The following SLC22A4 variants were observed in gnomAD, a reference collection of about 807,000 sequenced individuals.
The protein encoded by SLC22A4 is ET transporter.
Under a neutral mutation model 56.6 loss-of-function variants are expected in SLC22A4, and 39 were observed. The observed-to-expected ratio is 0.69, with a 90% confidence interval of 0.53 to 0.90. The LOEUF is 0.90. Among genes scored for constraint, SLC22A4 ranks in the 40% least tolerant of loss-of-function variants. SLC22A4 has a pLI of 0.00. For missense variants in SLC22A4, 594 were observed against 696.5 expected (o/e 0.85, Z 1.66); for synonymous variants, 241 against 281.4 (o/e 0.86, Z 1.44).
chr5:132,309,380 G>C (rs1045813071), intron 1 of SLC22A4, among the ~76,000 whole-genome samples: 3 of 152,240 alleles, frequency 2.0e-5, no homozygotes, highest in African/African-American at 7.2e-5. Context: ...TCCAAAGGCA[G>C]ATGGCACCCC....
chr5:132,331,529 G>T (rs868854373), intron 5 of SLC22A4, among the ~76,000 whole-genome samples: 3 of 152,106 alleles, frequency 2.0e-5, no homozygotes, highest in African/African-American at 7.2e-5. Context: ...AGGGAAGGGG[G>T]TGTTATATAT....
At chr5:132,315,644 G>A (rs1383338543) in intron 3 of SLC22A4, among the ~76,000 whole-genome samples, 1 of 152,200 alleles carries the variant, frequency 6.6e-6, no homozygotes. Flanking sequence ...AGGGCCAAGG[G>A]GAAAGTAAGG....
intron 1 of SLC22A4, among the ~76,000 whole-genome samples, chr5:132,309,805 A>G (rs1750137189): frequency 6.6e-6 from 1 of 152,266 alleles, no homozygotes; most frequent in African/African-American, 2.4e-5. Context: ...CCCTTTGCTC[A>G]TGCAATGCCT....
intron 7 of SLC22A4, 50 bp downstream of exon 7, chr5:132,334,982 G>T: frequency 7.9e-7 from 1 of 1,273,844 alleles, no homozygotes; most frequent in South Asian, 1.2e-5. Context: ...CCCACATATT[G>T]ACTAGGCTGC....
intron 1 of SLC22A4, among the ~76,000 whole-genome samples, chr5:132,307,172 CTTTGT>C (rs774388856): frequency 2.6e-5 from 4 of 151,990 alleles, no homozygotes; most frequent in Admixed American, 6.6e-5. Context: ...TTTTGTTTTT[CTTTGT>C]TTTGTTTTTT....
intron 9 of SLC22A4, among the ~76,000 whole-genome samples, chr5:132,341,097 C>T (rs1751204515): frequency 1.3e-5 from 2 of 150,682 alleles, no homozygotes; most frequent in South Asian, 4.2e-4. Flanking sequence ...GCCTGGGCAA[C>T]AAGAGCAAAA....
intron 3 of SLC22A4, among the ~76,000 whole-genome samples, chr5:132,317,159 G>A (rs982502056): frequency 6.6e-6 from 1 of 152,140 alleles, no homozygotes; most frequent in African/African-American, 2.4e-5. Context: ...TCAGGTCAGG[G>A]GATCAATGTA....
chr5:132,312,143 T>C lies in SLC22A4; in HGVS notation c.394-18T>C, dbSNP rs1477759748. On this transcript the variant is annotated intron_variant, in intron 1 of 9. Transcript: ENST00000200652. ...GCCTCAGGGTTGGGCTCACGCTTCATGCTGTCTTCCTTGGCAGTGGAATCT... is the reference window on the plus strand; with the variant it reads ...GCCTCAGGGTTGGGCTCACGCTTCACGCTGTCTTCCTTGGCAGTGGAATCT... The C allele has an allele frequency of 2.6e-6, 4 of 1,519,970 alleles. No individual in the cohort carries two copies. Among genetic ancestry groups the C allele is most frequent in the Non-Finnish European group, 3.7e-6 (4 of 1,094,232 alleles). The allele number at this position is 1,519,970 out of a possible 1,614,324, so 94.2% of individuals were successfully genotyped here. A position where few individuals can be genotyped will look rare whatever the true frequency, so the allele number is the denominator to read the frequency against.
chr5:132,300,959 T>A (rs1017173658), intron 1 of SLC22A4, among the ~76,000 whole-genome samples: 5 of 152,234 alleles, frequency 3.3e-5, no homozygotes, highest in African/African-American at 1.2e-4. Context: ...TCAGTCTCCA[T>A]GGGCATGGCC....
At chr5:132,305,995 T>A (rs541934678) in intron 1 of SLC22A4, among the ~76,000 whole-genome samples, 1 of 152,230 alleles carries the variant, frequency 6.6e-6, no homozygotes, top group East Asian at 1.9e-4. Flanking sequence ...TGTTCAACAT[T>A]AGTTATTAGA....
intron 1 of SLC22A4, among the ~76,000 whole-genome samples, chr5:132,307,514 C>T (rs970547032): frequency 9.2e-5 from 14 of 152,210 alleles, no homozygotes; most frequent in African/African-American, 3.4e-4. Context: ...TTTGCTTATT[C>T]GTCCATGTGT....
In SLC22A4 at chr5:132,318,614, A is replaced by G. The variant is rs904172307; in HGVS notation, c.653-3570A>G. Among the ~76,000 whole-genome samples the G allele has an allele frequency of 4.6e-5, 7 of 152,226 alleles. No homozygotes were observed. The South Asian group carries it at 1.5e-3, about 32-fold the overall frequency. On this transcript the variant is annotated intron_variant, in intron 3 of 9. Transcript: ENST00000200652. ...GTTCCTGGGGCAGGTACTGCTCTAC[A>G]TGGAAGGCAGCCTGGCCCTCTCTGA...
intron 3 of SLC22A4, among the ~76,000 whole-genome samples, chr5:132,316,701 G>A (rs1750368837): frequency 6.6e-6 from 1 of 152,134 alleles, no homozygotes; most frequent in South Asian, 2.1e-4. Context: ...CTTTTGATAG[G>A]TGTGTAAGTG....
At chr5:132,312,073 C>A in intron 1 of SLC22A4, 88 bp from the exon 2 acceptor site, 1 of 838,692 alleles carries the variant, frequency 1.2e-6, no homozygotes, top group Non-Finnish European at 2.1e-6. Context: ...GTCTGCCCGC[C>A]AGCCGTGCTA....
intron 6 of SLC22A4, among the ~76,000 whole-genome samples, chr5:132,333,667 C>T (rs1057513042): frequency 6.6e-6 from 1 of 151,916 alleles, no homozygotes; most frequent in Admixed American, 6.6e-5. Context: ...GCTATAATTG[C>T]ACTTCTAAAG....
chr5:132,337,690 G>C (rs1026004951), intron 8 of SLC22A4, among the ~76,000 whole-genome samples: 1 of 150,982 alleles, frequency 6.6e-6, no homozygotes, highest in Admixed American at 6.6e-5. Flanking sequence ...TGTATTTTTT[G>C]GCCATTTTAT....
intron 3 of SLC22A4, among the ~76,000 whole-genome samples, chr5:132,317,438 T>C (rs1750393842): frequency 6.6e-6 from 1 of 152,210 alleles, no homozygotes; most frequent in Non-Finnish European, 1.5e-5. Context: ...CAGAATCATA[T>C]ATTATGTGGC....
intron 4 of SLC22A4, among the ~76,000 whole-genome samples, chr5:132,325,266 AG>A (rs1252537761): frequency 6.6e-6 from 1 of 152,234 alleles, no homozygotes; most frequent in Middle Eastern, 3.2e-3. Context: ...CTAATATAGT[AG>A]CCACCAGCCA....
intron 3 of SLC22A4, among the ~76,000 whole-genome samples, chr5:132,319,377 A>C (rs1750466805): frequency 6.6e-6 from 1 of 151,950 alleles, no homozygotes. Context: ...ATCTCCCCTC[A>C]TGTCTCTACT....
Sources: allele counts gnomAD v4.1 joint callset (sites outside exome capture counted in the v4.1 genomes callset), GRCh38; gene constraint gnomAD v4.1.1; transcripts MANE v1.5; gene names NCBI Gene and HGNC (gene_info 2026-07-23, HGNC 2026-07-21).